RBM19: variants seen among roughly 807,000 people sequenced by gnomAD.
The protein encoded by RBM19 is RNA binding motif protein 19.
RBM19 carries 94 observed loss-of-function variants against 116.8 expected under a neutral mutation model. That is an observed-to-expected ratio of 0.80 (90% CI 0.68 to 0.95). The LOEUF (loss-of-function observed/expected upper bound fraction) is 0.95. Ranked by LOEUF, RBM19 falls within the 40% of genes least tolerant of loss-of-function variation. The pLI is 0.00. For synonymous variants in RBM19, 475 were observed against 494.1 expected, an observed-to-expected ratio of 0.96 and a Z score of 0.51; for missense variants, 1,161 against 1,220.7, an observed-to-expected ratio of 0.95 and a Z score of 0.73.
intron 2 of RBM19, among the ~76,000 whole-genome samples, chr12:113,960,845 T>C (rs1457140952): frequency 6.6e-6 from 1 of 152,202 alleles, no homozygotes; most frequent in Admixed American, 6.5e-5. Flanking sequence ...GGAAGAGTAC[T>C]GGAGACCCAG....
At chr12:113,864,590 G>A (rs141367695) in intron 21 of RBM19, among the ~76,000 whole-genome samples, 46 of 152,320 alleles carry the variant, frequency 3.0e-4, no homozygotes, top group African/African-American at 1.1e-3. Context: ...CCCTTACAGA[G>A]TTCCCATGTG....
At position 113,942,757 on chromosome 12, in the gene RBM19, C is replaced by A. The variant is rs571217630; in HGVS notation, c.1627-323G>T. On this transcript the variant is annotated intron_variant, in intron 13 of 23. Coordinates refer to ENST00000261741, the MANE Select transcript of RBM19 (RefSeq NM_016196.4). ...CCCTGAGTAGCTGGGACCACAGACG[C>A]ACCCCACCACTTCCAGCTCATTTTT... Among the ~76,000 whole-genome samples the A allele has an allele frequency of 8.5e-5, 13 of 152,214 alleles. No homozygotes were observed. In the South Asian group the frequency reaches 2.7e-3, roughly 32 times the overall value.
chr12:113,874,860 C>T (rs1020773699), intron 21 of RBM19, among the ~76,000 whole-genome samples: 12 of 152,362 alleles, frequency 7.9e-5, no homozygotes, highest in South Asian at 6.2e-4. Context: ...CCCTACACAA[C>T]GGCTGAAAAG....
intron 13 of RBM19, among the ~76,000 whole-genome samples, chr12:113,945,573 A>T (rs1870938371): frequency 6.6e-6 from 1 of 152,218 alleles, no homozygotes; most frequent in South Asian, 2.1e-4. Context: ...GTCACCTGTC[A>T]ACACCACTGT....
rs186400560 is a variant in RBM19 at position 113,947,244 on chromosome 12, G to A, written c.1407+90C>T. The A allele has an allele frequency of 2.1e-4, 294 of 1,425,764 alleles. 1 individual carries two copies. In the African/African-American group the frequency reaches 3.7e-3, roughly 18 times the overall value. The allele number at this position is 1,425,764 out of a possible 1,614,324, so 88.3% of individuals were successfully genotyped here. A position where few individuals can be genotyped will look rare whatever the true frequency, so the allele number is the denominator to read the frequency against. On this transcript the variant is annotated intron_variant, in intron 11 of 23. Coordinates refer to ENST00000261741, the MANE Select transcript of RBM19 (RefSeq NM_016196.4). The stretch of plus-strand genomic sequence containing the variant: ...TCTTAGGCCCACAAAGTGGACGCCC[G>A]TGTCCACACACATACACACACACAC...
chr12:113,856,601 C>G (rs1281402789), intron 22 of RBM19, among the ~76,000 whole-genome samples: 1 of 152,206 alleles, frequency 6.6e-6, no homozygotes, highest in Non-Finnish European at 1.5e-5. Context: ...CCATTCAGAA[C>G]AGCAGTGAGC....
Position 113,915,029 on chromosome 12 carries a change from T to C in RBM19, c.2498A>G (p.Lys833Arg), listed in dbSNP as rs372337596. ...KQVPRKQTTSKILVRNIPFQA... is the reference protein window; with the variant it reads ...KQVPRKQTTSRILVRNIPFQA... ...GAAGGGGATGTTCCGCACCAGGATC[T>C]TGGAGGTGGTCTGCTTTCTGGGAAC... The change falls in exon 21 of 24, where the codon AAG (lysine) becomes AGG (arginine). Residue 833 changes from lysine to arginine, a missense_variant. Physicochemically the swap from Lys to Arg is conservative, Grantham distance 26. Transcript: ENST00000261741. 6 of 1,614,084 alleles carry C rather than the reference T, an allele frequency of 3.7e-6. No individual in the cohort carries two copies. Among genetic ancestry groups the C allele is most frequent in the Non-Finnish European group, 5.1e-6 (6 of 1,180,036 alleles).
intron 15 of RBM19, among the ~76,000 whole-genome samples, chr12:113,939,198 T>C (rs1870331291): frequency 6.6e-6 from 1 of 152,040 alleles, no homozygotes; most frequent in Non-Finnish European, 1.5e-5. Context: ...CTCAGCTACA[T>C]GGGAGGCTGA....
chr12:113,940,003 G>A lies in RBM19; in HGVS notation c.1895C>T (p.Pro632Leu). 9 of 1,614,086 alleles carry A rather than the reference G, an allele frequency of 5.6e-6. No individual in the cohort carries two copies. The highest frequency in any genetic ancestry group is 1.1e-5 in the South Asian group (1 of 91,074). Residue 632 changes from proline (P) to leucine (L), a missense_variant, in exon 15 of 24, where the codon CCC becomes CTC. Transcript: ENST00000261741. ...GITAIVEFLE[P>L]LEARKAFRHL... ...CCTGAAGGCCTTGCGGGCCTCCAGG[G>A]GCTCCAGGAACTCCACGATGGCAGT...
In RBM19 at chr12:113,823,133, G is replaced by C. The variant is rs1874554023; in HGVS notation, c.*91C>G. The C allele has an allele frequency of 2.0e-3, 1,492 of 735,736 alleles. No homozygotes were observed. The highest frequency in any genetic ancestry group is 2.5e-3 in the Non-Finnish European group (1,182 of 466,466). 45.6% of individuals were successfully genotyped at this position (735,736 alleles called of 1,614,324 possible). A position where few individuals can be genotyped will look rare whatever the true frequency, so the allele number is the denominator to read the frequency against. On this transcript the variant is annotated 3_prime_UTR_variant, in exon 24 of 24. Coordinates refer to ENST00000261741, the MANE Select transcript of RBM19 (RefSeq NM_016196.4). ...GGGGCCGCCTGCCGCTCCCCGCCCC[G>C]CCCCCCAGCCCACATGGTGGTGAGT... is the stretch of plus-strand genomic sequence containing the variant.
chr12:113,948,782 C>A, intron 10 of RBM19, 51 bp downstream of exon 10: 1 of 1,587,368 alleles, frequency 6.3e-7, no homozygotes, highest in Non-Finnish European at 8.6e-7. Context: ...GAGTGAGAGC[C>A]CGGCTCCCAT....
At chr12:113,852,230 A>G (rs557585320) in intron 22 of RBM19, among the ~76,000 whole-genome samples, 1 of 152,212 alleles carries the variant, frequency 6.6e-6, no homozygotes, top group East Asian at 1.9e-4. Flanking sequence ...GTCCGCACAG[A>G]AGCTCCAGGG....
Position 113,927,247 on chromosome 12 carries a change from C to T in RBM19, c.2069-18G>A. On this transcript the variant is annotated intron_variant, in intron 16 of 23. Transcript: ENST00000261741. ...ATCAGGCACTGAACCCCCATCAAAA[C>T]AAAAACAAAAACAAAAACATCAAAT... The T allele has an allele frequency of 6.7e-7, 1 of 1,496,550 alleles. No homozygotes were observed. Among genetic ancestry groups the T allele is most frequent in the South Asian group, 1.3e-5 (1 of 77,524 alleles). 92.7% of individuals were successfully genotyped at this position (1,496,550 alleles called of 1,614,324 possible). A position where few individuals can be genotyped will look rare whatever the true frequency, so the allele number is the denominator to read the frequency against.
chr12:113,861,905 C>T (rs1878433499), intron 21 of RBM19, among the ~76,000 whole-genome samples: 2 of 152,072 alleles, frequency 1.3e-5, no homozygotes, highest in Admixed American at 6.5e-5. Flanking sequence ...TTGGGGGTTT[C>T]CAGGCAGACA....
chr12:113,831,451 CCT>C (rs1335765525), intron 23 of RBM19, among the ~76,000 whole-genome samples: 1 of 152,200 alleles, frequency 6.6e-6, no homozygotes, highest in Non-Finnish European at 1.5e-5. Flanking sequence ...TCCTCCTGTC[CCT>C]GTTTCTAGCA....
intron 22 of RBM19, among the ~76,000 whole-genome samples, chr12:113,849,003 G>A (rs776038330): frequency 1.5e-4 from 23 of 152,334 alleles, no homozygotes; most frequent in Non-Finnish European, 2.2e-4. Context: ...CAATGAATGG[G>A]AAACTGAGGC....
intron 21 of RBM19, among the ~76,000 whole-genome samples, chr12:113,859,888 A>C (rs918614324): frequency 1.3e-5 from 2 of 152,182 alleles, no homozygotes; most frequent in African/African-American, 4.8e-5. Context: ...TCGGGGCCAA[A>C]GACTGATTGG....
intron 21 of RBM19, among the ~76,000 whole-genome samples, chr12:113,882,492 A>G (rs1880217772): frequency 6.6e-6 from 1 of 152,234 alleles, no homozygotes; most frequent in Non-Finnish European, 1.5e-5. Context: ...AGCATATTTT[A>G]TTTGAAAGGA....
intron 21 of RBM19, among the ~76,000 whole-genome samples, chr12:113,907,845 T>C (rs1882170787): frequency 6.6e-6 from 1 of 152,116 alleles, no homozygotes; most frequent in African/African-American, 2.4e-5. Context: ...CAAGGTAGGA[T>C]GAGGTCATAT....
Sources: allele counts gnomAD v4.1 joint callset (sites outside exome capture counted in the v4.1 genomes callset), GRCh38; gene constraint gnomAD v4.1.1; transcripts MANE v1.5; gene names NCBI Gene and HGNC (gene_info 2026-07-23, HGNC 2026-07-21).